SV2B: variants seen among roughly 807,000 people sequenced by gnomAD.
SV2B encodes the protein solute carrier family 22 member B2.
In SV2B, 41 loss-of-function variants were observed where a neutral mutation model predicts 73.9. That is an observed-to-expected ratio of 0.56 (90% CI 0.43 to 0.72). The LOEUF (loss-of-function observed/expected upper bound fraction) is 0.72, where lower values mean the gene tolerates loss of function less well. Among genes scored for constraint, SV2B ranks in the 30% least tolerant of loss-of-function variants. The pLI, the probability that SV2B is intolerant of heterozygous loss-of-function variation, is 0.00. For missense variants in SV2B, 764 were observed against 857.8 expected (o/e 0.89, Z 1.37); for synonymous variants, 314 against 314.2 (o/e 1.00, Z 0.01).
At chr15:91,257,595 G>A (rs1027052082) in intron 4 of SV2B, among the ~76,000 whole-genome samples, 2 of 152,186 alleles carry the variant, frequency 1.3e-5, no homozygotes, top group Admixed American at 1.3e-4. Context: ...TTGTGTAGCC[G>A]TATAACAGCT....
At position 91,284,100 on chromosome 15, in the gene SV2B, C is replaced by T. The variant is rs778905197; in HGVS notation, c.1587C>T (p.Asp529=). The T allele has an allele frequency of 6.2e-7, 1 of 1,614,194 alleles. No individual in the cohort carries two copies. The highest frequency in any genetic ancestry group is 1.7e-5 in the Admixed American group (1 of 60,022). Residue 529 remains aspartate (D), a synonymous_variant, in exon 11 of 13, where the codon GAC becomes GAT. Coordinates refer to ENST00000394232, the MANE Select transcript of SV2B (RefSeq NM_001323032.3). The surrounding 1 kb of genome is among the most constrained non-coding windows in gnomAD (Gnocchi z 4.5). ...FLEQKEGCHM[D]LEQDNDFLIY... The stretch of plus-strand genomic sequence containing the variant: ...AGCAGAAGGAGGGCTGCCACATGGA[C>T]TTGGAGCAAGATAATGACTTCCTGA...
chr15:91,180,252 C>T (rs2048240457), intron 1 of SV2B, among the ~76,000 whole-genome samples: 1 of 152,184 alleles, frequency 6.6e-6, no homozygotes. Context: ...AGAGTTTCTG[C>T]CGAGAGATCA....
rs1161781365 is a variant in SV2B at position 91,106,911 on chromosome 15, A to T, written c.-392+6548A>T. Reference sequence around the variant, plus strand: ...TTTATAAAAGGAAGAAATAGGGAATAGCCTTCATAGGAAAAGGGGAGGGCT... The same window carrying T: ...TTTATAAAAGGAAGAAATAGGGAATTGCCTTCATAGGAAAAGGGGAGGGCT... On this transcript the variant is annotated intron_variant, in intron 1 of 12. Transcript: ENST00000394232. This position sits in a 1 kb window ranked among gnomAD's most constrained non-coding sequence, Gnocchi z 4.4. 6.6e-6 allele frequency among the ~76,000 whole-genome samples: 1 copy of T among 152,230 alleles called. No individual in the cohort carries two copies. The highest frequency in any genetic ancestry group is 1.5e-5 in the Non-Finnish European group (1 of 68,032).
intron 1 of SV2B, chr15:91,101,996 G>A (rs1445554338): frequency 6.6e-6 from 1 of 152,212 alleles, no homozygotes; most frequent in Non-Finnish European, 1.5e-5. Context: ...ACTTCTGTCT[G>A]CTTCTCCCTG....
chr15:91,176,635 T>C (rs1220956202), intron 1 of SV2B, among the ~76,000 whole-genome samples: 1 of 152,036 alleles, frequency 6.6e-6, no homozygotes, highest in African/African-American at 2.4e-5. Context: ...ATTTCTCTGA[T>C]GGCCAGTGAT....
chr15:91,287,886 T>C (rs2048914981), intron 11 of SV2B, among the ~76,000 whole-genome samples: 1 of 152,122 alleles, frequency 6.6e-6, no homozygotes, highest in Non-Finnish European at 1.5e-5. Flanking sequence ...GGGGGGATAA[T>C]TGCACTCACA....
chr15:91,154,975 C>T (rs185410383), intron 1 of SV2B, among the ~76,000 whole-genome samples: 136 of 152,184 alleles, frequency 8.9e-4, no homozygotes, highest in Non-Finnish European at 8.1e-4. Context: ...ACTCAGTAAA[C>T]GAGTGGACTG....
In SV2B at chr15:91,215,560, C is replaced by A. The variant is rs12440739; in HGVS notation, c.-391-10313C>A. On this transcript the variant is annotated intron_variant, in intron 1 of 12. Coordinates refer to ENST00000394232, the MANE Select transcript of SV2B (RefSeq NM_001323032.3). ...TTAACATCTTAACTGATCATCCTGC[C>A]AGAAATATTTGCATAGTATAAATAC... 2.3e-3 allele frequency among the ~76,000 whole-genome samples: 348 copies of A among 152,160 alleles called. 4 individuals carry two copies. The highest frequency in any genetic ancestry group is 0.015 in the Admixed American group (230 of 15,280).
At chr15:91,172,021 A>G (rs2044139142) in intron 1 of SV2B, among the ~76,000 whole-genome samples, 1 of 152,182 alleles carries the variant, frequency 6.6e-6, no homozygotes, top group Non-Finnish European at 1.5e-5. Flanking sequence ...GATTATCATC[A>G]TTGTGGTGGG....
At chr15:91,107,505 G>T (rs1203657989) in intron 1 of SV2B, among the ~76,000 whole-genome samples, 1 of 151,984 alleles carries the variant, frequency 6.6e-6, no homozygotes, top group East Asian at 1.9e-4. Flanking sequence ...TAGAGACGGG[G>T]TTTTACCATG....
rs1297978624 is a variant in SV2B, at chr15:91,288,013, G to T, written c.1709-1508G>T. On this transcript the variant is annotated intron_variant, in intron 11 of 12. Coordinates refer to ENST00000394232, the MANE Select transcript of SV2B (RefSeq NM_001323032.3). The surrounding 1 kb of genome is among the most constrained non-coding windows in gnomAD (Gnocchi z 5.8). ...TACCCCCGGGGAGGAGTTGGGGAGG[G>T]GTACTCCAGCCACCTTCCCCTCCCA... 1.3e-5 allele frequency among the ~76,000 whole-genome samples: 2 copies of T among 152,108 alleles called. No homozygotes were observed. The highest frequency in any genetic ancestry group is 4.8e-5 in the African/African-American group (2 of 41,408).
At chr15:91,099,682 G>T (rs1253185914), upstream of SV2B, among the ~76,000 whole-genome samples, 1 of 152,180 alleles carries the variant, frequency 6.6e-6, no homozygotes, top group Non-Finnish European at 1.5e-5. Flanking sequence ...TCCTCCCCGC[G>T]CTGGCCGGGT....
At chr15:91,192,764 G>A (rs772461318) in intron 1 of SV2B, among the ~76,000 whole-genome samples, 1 of 152,216 alleles carries the variant, frequency 6.6e-6, no homozygotes, top group Non-Finnish European at 1.5e-5. Flanking sequence ...AGTTTTGCTC[G>A]TAGTGGACAG....
intron 2 of SV2B, among the ~76,000 whole-genome samples, chr15:91,247,521 A>G (rs946517141): frequency 2.6e-5 from 4 of 152,168 alleles, no homozygotes; most frequent in Non-Finnish European, 5.9e-5. Flanking sequence ...AGAATAAAGG[A>G]AAGAGATTGG....
chr15:91,099,909 CA>C (rs1268839394), upstream of SV2B: 1 of 152,262 alleles, frequency 6.6e-6, no homozygotes, highest in Non-Finnish European at 1.5e-5. Flanking sequence ...AGACGACGCC[CA>C]TGATCAGCTG....
chr15:91,155,899 C>T (rs1418511803), intron 1 of SV2B, among the ~76,000 whole-genome samples: 1 of 151,998 alleles, frequency 6.6e-6, no homozygotes, highest in Non-Finnish European at 1.5e-5. Flanking sequence ...GTCCCTGAAA[C>T]CCACGTGGCC....
Position 91,258,611 on chromosome 15 carries a change from C to G in SV2B, c.918+57C>G. 1.2e-6 allele frequency: 2 copies of G among 1,607,158 alleles called. No individual in the cohort carries two copies. The highest frequency in any genetic ancestry group is 1.7e-6 in the Non-Finnish European group (2 of 1,176,612). On this transcript the variant is annotated intron_variant, in intron 5 of 12. Coordinates refer to ENST00000394232, the MANE Select transcript of SV2B (RefSeq NM_001323032.3). The surrounding 1 kb of genome is among the most constrained non-coding windows in gnomAD (Gnocchi z 4.7). ...TGACAAAACAGCCACAGGAACCCAG[C>G]CTCGCTTCCTTCTCTCAGCTCCTAG...
At chr15:91,158,374 G>T (rs2043561632) in intron 1 of SV2B, among the ~76,000 whole-genome samples, 1 of 152,090 alleles carries the variant, frequency 6.6e-6, no homozygotes, top group South Asian at 2.1e-4. Flanking sequence ...GGTGATGGGG[G>T]ACCCTTGAAT....
Position 91,268,454 on chromosome 15 carries a change from A to G in SV2B, c.1222A>G (p.Thr408Ala). 1.2e-6 allele frequency: 2 copies of G among 1,613,658 alleles called. No individual in the cohort carries two copies. The highest frequency in any genetic ancestry group is 1.7e-6 in the Non-Finnish European group (2 of 1,179,618). The part of the protein sequence containing the change: ...FAMAFSYYGL[T>A]VWFPDMIRYF... Reference sequence around the variant, plus strand: ...TCTCCACTCCAGTTACTATGGACTGACAGTTTGGTTTCCTGATATGATCCG... The same window carrying G: ...TCTCCACTCCAGTTACTATGGACTGGCAGTTTGGTTTCCTGATATGATCCG... Residue 408 changes from threonine to alanine, a missense_variant, in exon 9 of 13, where the codon ACA becomes GCA. Coordinates refer to ENST00000394232, the MANE Select transcript of SV2B (RefSeq NM_001323032.3). The surrounding 1 kb of genome is among the most constrained non-coding windows in gnomAD (Gnocchi z 4.4).
Sources: allele counts gnomAD v4.1 joint callset (sites outside exome capture counted in the v4.1 genomes callset), GRCh38; gene constraint gnomAD v4.1.1; non-coding constraint Gnocchi (gnomAD v3.1); transcripts MANE v1.5; gene names NCBI Gene and HGNC (gene_info 2026-07-23, HGNC 2026-07-21).